Variants in ROPN1 observed in about 807,000 individuals in gnomAD.
The protein encoded by ROPN1 is ropporin-1A.
In ROPN1, 14 loss-of-function variants were observed where a neutral mutation model predicts 20.5. The observed-to-expected ratio is 0.68, with a 90% confidence interval of 0.45 to 1.07. ROPN1 has a LOEUF of 1.07. ROPN1 is among the 50% of genes least tolerant of loss of function. The pLI is 0.00. For synonymous variants in ROPN1, 76 were observed against 95.7 expected (o/e 0.79, Z 1.20); for missense variants, 169 against 242.8 (o/e 0.70, Z 2.02).
chr3:123,975,888 C>T (rs2038009850), intron 3 of ROPN1, among the ~76,000 whole-genome samples: 1 of 151,696 alleles, frequency 6.6e-6, no homozygotes, highest in African/African-American at 2.4e-5. Flanking sequence ...AAAACAAAAC[C>T]AAGGGGTAGA....
chr3:123,990,249 C>T (rs1462675317), intron 1 of ROPN1, among the ~76,000 whole-genome samples: 1 of 151,452 alleles, frequency 6.6e-6, no homozygotes, highest in Non-Finnish European at 1.5e-5. Flanking sequence ...GAGATAGGAT[C>T]TACAGGATTT....
At chr3:123,990,733 A>T (rs2038388541) in intron 1 of ROPN1, among the ~76,000 whole-genome samples, 1 of 152,076 alleles carries the variant, frequency 6.6e-6, no homozygotes, top group African/African-American at 2.4e-5. Context: ...CATAACCCCA[A>T]CTCTTTCAAT....
intron 3 of ROPN1, 26 bp downstream of exon 3, chr3:123,976,838 C>T: frequency 6.2e-7 from 1 of 1,600,750 alleles, no homozygotes; most frequent in Non-Finnish European, 8.5e-7. Context: ...CCTACATTCT[C>T]CTCAATGCTG....
At chr3:123,980,187 A>G (rs1432457005) in intron 2 of ROPN1, 179 bp downstream of exon 2, 24 of 644,456 alleles carry the variant, frequency 3.7e-5, no homozygotes, top group South Asian at 1.9e-4. Context: ...ATCCTTGCCC[A>G]GCTAGATGTA....
chr3:123,986,804 G>T (rs758223647), intron 1 of ROPN1, among the ~76,000 whole-genome samples: 3 of 152,236 alleles, frequency 2.0e-5, no homozygotes, highest in Non-Finnish European at 4.4e-5. Context: ...GCTGCAGCAT[G>T]CAGCCATAGG....
At chr3:123,976,836 C>T (rs2038033514) in intron 3 of ROPN1, 28 bp downstream of exon 3, 2 of 1,594,914 alleles carry the variant, frequency 1.3e-6, no homozygotes, top group Non-Finnish European at 1.7e-6. Flanking sequence ...TCCCTACATT[C>T]TCCTCAATGC....
At chr3:123,972,516 T>A (rs1336054478) in intron 4 of ROPN1, among the ~76,000 whole-genome samples, 4 of 152,254 alleles carry the variant, frequency 2.6e-5, no homozygotes, top group African/African-American at 9.6e-5. Context: ...TCTCTTCCTT[T>A]TTTAATAATC....
At chr3:123,986,304 A>G (rs965866275) in intron 1 of ROPN1, among the ~76,000 whole-genome samples, 1 of 151,902 alleles carries the variant, frequency 6.6e-6, no homozygotes, top group Admixed American at 6.6e-5. Flanking sequence ...AATATTAATA[A>G]TTTTTATTAA....
chr3:123,983,504 A>G (rs1406213335), intron 1 of ROPN1, among the ~76,000 whole-genome samples: 1 of 152,210 alleles, frequency 6.6e-6, no homozygotes, highest in Non-Finnish European at 1.5e-5. Flanking sequence ...GACAACAGTA[A>G]CAATGTTAAC....
Position 123,975,489 on chromosome 3 carries a change from CTT to C in ROPN1, c.284_285del (p.Lys95SerfsTer10). 1.3e-6 allele frequency: 1 copy of C among 786,514 alleles called. No homozygotes were observed. The highest frequency in any genetic ancestry group is 2.7e-5 in the East Asian group (1 of 36,546). 48.7% of individuals were successfully genotyped at this position (786,514 alleles called of 1,614,324 possible). A position where few individuals can be genotyped will look rare whatever the true frequency, so the allele number is the denominator to read the frequency against. ...IRAEELAQMW[K>X]VVNLPTDLFN... is the part of the protein sequence containing the mutation. Reference sequence around the variant, plus strand: ...AACAGATCTGTTGGGAGATTCACCACTTTCCACATCTGGGCCAGCTCCTCTGC... The same window carrying C: ...AACAGATCTGTTGGGAGATTCACCACTCCACATCTGGGCCAGCTCCTCTGC... On this transcript the variant is annotated frameshift_variant, in exon 4 of 6. Coordinates refer to ENST00000405845, the MANE Select transcript of ROPN1 (RefSeq NM_001317774.2). LOFTEE classifies it high-confidence loss of function.
In ROPN1 at chr3:123,979,728, A is replaced by G. The variant is rs1420125319; in HGVS notation, c.116+638T>C. ...TCTGCTTGGCCTTTCCCCAGAATGC[A>G]GTGTGTACTGTGCGGACATCTTTAT... is the stretch of plus-strand genomic sequence containing the variant. On this transcript the variant is annotated intron_variant, in intron 2 of 5. Transcript: ENST00000405845. 1.0e-5 allele frequency: 4 copies of G among 390,256 alleles called. No individual in the cohort carries two copies. The East Asian group carries it at 2.9e-4, about 28-fold the overall frequency. 24.2% of individuals were successfully genotyped at this position (390,256 alleles called of 1,614,324 possible).
At chr3:123,973,596 C>T (rs541107866) in intron 4 of ROPN1, among the ~76,000 whole-genome samples, 9 of 152,114 alleles carry the variant, frequency 5.9e-5, no homozygotes, top group South Asian at 4.2e-4. Flanking sequence ...GCATCTACAC[C>T]GTGGGCTAAG....
At chr3:123,987,534 G>A (rs1299642678) in intron 1 of ROPN1, among the ~76,000 whole-genome samples, 5 of 152,208 alleles carry the variant, frequency 3.3e-5, no homozygotes, top group South Asian at 2.1e-4. Context: ...TCTGAAAAAC[G>A]TTTAATGGAT....
chr3:123,989,266 T>C (rs551324471), intron 1 of ROPN1, among the ~76,000 whole-genome samples: 2 of 152,282 alleles, frequency 1.3e-5, no homozygotes, highest in South Asian at 4.1e-4. Context: ...GAAATATAGC[T>C]CAAGGCTTGG....
chr3:123,979,212 T>A (rs1476325758), intron 2 of ROPN1: 2 of 322,902 alleles, frequency 6.2e-6, no homozygotes, highest in South Asian at 5.1e-5. Flanking sequence ...CCTAATCCAG[T>A]CCAGGAGCAC....
chr3:123,980,130 A>C, intron 2 of ROPN1: 1 of 574,136 alleles, frequency 1.7e-6, no homozygotes, highest in Non-Finnish European at 3.1e-6. Flanking sequence ...CGGCCTATTG[A>C]CCTGGCGTCC....
chr3:123,980,664 C>T, intron 1 of ROPN1, 171 bp from the exon 2 acceptor site: 2 of 523,922 alleles, frequency 3.8e-6, no homozygotes, highest in South Asian at 3.7e-5. Flanking sequence ...CATCTGCTAA[C>T]CCCTACTTTT....
At chr3:123,988,200 C>A (rs981791585) in intron 1 of ROPN1, among the ~76,000 whole-genome samples, 2 of 151,828 alleles carry the variant, frequency 1.3e-5, no homozygotes, top group Non-Finnish European at 2.9e-5. Flanking sequence ...GGCTGGAATG[C>A]AGTGGCATGA....
At chr3:123,979,934 G>T (rs530876923) in intron 2 of ROPN1, 4 of 348,240 alleles carry the variant, frequency 1.1e-5, no homozygotes, top group South Asian at 4.2e-5. Flanking sequence ...CAGGGCTGTC[G>T]CTTCCCTCCC....
Sources: allele counts gnomAD v4.1 joint callset (sites outside exome capture counted in the v4.1 genomes callset), GRCh38; gene constraint gnomAD v4.1.1; transcripts MANE v1.5; gene names NCBI Gene and HGNC (gene_info 2026-07-23, HGNC 2026-07-21).